Variants in IL20RB observed in about 807,000 individuals in gnomAD.
The protein encoded by IL20RB is interleukin-20 receptor subunit beta.
IL20RB carries 21 observed loss-of-function variants against 33.3 expected under a neutral mutation model. The observed-to-expected ratio is 0.63, with a 90% CI of 0.45 to 0.91. The LOEUF (loss-of-function observed/expected upper bound fraction) is 0.91, where lower values mean the gene tolerates loss of function less well. IL20RB is among the 40% of genes least tolerant of loss of function. IL20RB has a pLI of 0.00. For synonymous variants in IL20RB, 147 were observed against 146.8 expected (o/e 1.00, Z -0.01); for missense variants, 345 against 384.8 (o/e 0.90, Z 0.86).
chr3:136,958,206 G>A lies in IL20RB; in HGVS notation c.88+5G>A. 6.4e-7 allele frequency: 1 copy of A among 1,570,990 alleles called. No homozygotes were observed. Among genetic ancestry groups the A allele is most frequent in the Non-Finnish European group, 8.8e-7 (1 of 1,140,936 alleles). The stretch of plus-strand genomic sequence containing the variant: ...TGATTCCATGTTTGCTCACAGGTAA[G>A]TATGAATTAGAATACATCCAATAGT... On this transcript the variant is annotated splice_donor_5th_base_variant and intron_variant, in intron 1 of 6. Coordinates refer to ENST00000329582, the MANE Select transcript of IL20RB (RefSeq NM_144717.4).
chr3:136,961,547 CAA>C (rs897766042), intron 1 of IL20RB, among the ~76,000 whole-genome samples: 5 of 151,506 alleles, frequency 3.3e-5, no homozygotes, highest in Non-Finnish European at 7.4e-5. Context: ...AGGGAAAAAA[CAA>C]GATGAGACAA....
In IL20RB at chr3:136,958,045, A is replaced by T. The variant is rs1360437655; in HGVS notation, c.-69A>T. On this transcript the variant is annotated 5_prime_UTR_variant, in exon 1 of 7. The change abolishes an upstream ATG in the 5' untranslated region. Coordinates refer to ENST00000329582, the MANE Select transcript of IL20RB (RefSeq NM_144717.4). ...TCCAACATATGCATTCTGAAGAAAG[A>T]TGGCTGAGATGGACAGAATGCTTTA... is the stretch of plus-strand genomic sequence containing the variant. The T allele has an allele frequency of 3.2e-6, 3 of 944,334 alleles. No homozygotes were observed. Among genetic ancestry groups the T allele is most frequent in the Non-Finnish European group, 5.1e-6 (3 of 586,098 alleles). 58.5% of individuals were successfully genotyped at this position (944,334 alleles called of 1,614,324 possible). A position where few individuals can be genotyped will look rare whatever the true frequency, so the allele number is the denominator to read the frequency against.
At chr3:136,977,208 CT>C (rs550586510) in intron 1 of IL20RB, among the ~76,000 whole-genome samples, 80 of 152,312 alleles carry the variant, frequency 5.3e-4, no homozygotes, top group African/African-American at 1.9e-3. Context: ...CTTGAAGCCC[CT>C]CCCCCTCCTT....
At chr3:136,977,665 A>G (rs1941653900) in intron 1 of IL20RB, among the ~76,000 whole-genome samples, 1 of 152,144 alleles carries the variant, frequency 6.6e-6, no homozygotes, top group South Asian at 2.1e-4. Context: ...AGCCAAGATT[A>G]CAGGCACGCA....
At chr3:137,005,220 G>T (rs916403213) in intron 6 of IL20RB, among the ~76,000 whole-genome samples, 1 of 152,192 alleles carries the variant, frequency 6.6e-6, no homozygotes, top group African/African-American at 2.4e-5. Context: ...GCGATATGGT[G>T]CTGAGAAGAA....
chr3:136,983,245 G>C (rs984830913), intron 3 of IL20RB, among the ~76,000 whole-genome samples: 1 of 152,102 alleles, frequency 6.6e-6, no homozygotes, highest in Non-Finnish European at 1.5e-5. Context: ...GCACCACCAT[G>C]CCTGGCTAAT....
intron 3 of IL20RB, among the ~76,000 whole-genome samples, chr3:136,983,615 A>C (rs189522066): frequency 6.6e-6 from 1 of 152,298 alleles, no homozygotes. Flanking sequence ...AGGGAGAGAT[A>C]ATGATAGTAT....
At chr3:136,981,118 T>C (rs1283531019) in intron 2 of IL20RB, among the ~76,000 whole-genome samples, 1 of 152,178 alleles carries the variant, frequency 6.6e-6, no homozygotes, top group Non-Finnish European at 1.5e-5. Flanking sequence ...AACACCTACA[T>C]GTGTAGACAT....
Position 136,982,081 on chromosome 3 carries a change from C to T in IL20RB, c.216-79C>T, listed in dbSNP as rs730411. The T allele has an allele frequency of 3.0e-3, 3,170 of 1,071,698 alleles. 59 individuals carry two copies. In the African/African-American group the frequency reaches 0.044, roughly 15 times the overall value. 66.4% of individuals were successfully genotyped at this position (1,071,698 alleles called of 1,614,324 possible). A position where few individuals can be genotyped will look rare whatever the true frequency, so the allele number is the denominator to read the frequency against. ...TACTTACCTGTACAAAGTAGGTGAACGAAGTCAGTTACTTGCAACCATAAC... is the reference window on the plus strand; with the variant it reads ...TACTTACCTGTACAAAGTAGGTGAATGAAGTCAGTTACTTGCAACCATAAC... On this transcript the variant is annotated intron_variant, in intron 2 of 6. Coordinates refer to ENST00000329582, the MANE Select transcript of IL20RB (RefSeq NM_144717.4).
intron 1 of IL20RB, among the ~76,000 whole-genome samples, chr3:136,974,744 A>T (rs1382427066): frequency 6.6e-6 from 1 of 152,182 alleles, no homozygotes; most frequent in Non-Finnish European, 1.5e-5. Flanking sequence ...CCCCTTAGGG[A>T]TACTGATAAT....
chr3:136,992,007 T>C lies in IL20RB; in HGVS notation c.601T>C (p.Tyr201His). 1 of 1,614,220 alleles carries C rather than the reference T, an allele frequency of 6.2e-7. No individual in the cohort carries two copies. The highest frequency in any genetic ancestry group is 8.5e-7 in the Non-Finnish European group (1 of 1,180,046). Residue 201 changes from tyrosine (Y) to histidine (H), a missense_variant, in exon 5 of 7, where the codon TAC becomes CAC. Coordinates refer to ENST00000329582, the MANE Select transcript of IL20RB (RefSeq NM_144717.4). ...AGAAACCATGGAGCCAGGGGCTGCA[T>C]ACTGTGTGAAGGCCCAGACATTCGT... is the stretch of plus-strand genomic sequence containing the variant. ...HLETMEPGAA[Y>H]CVKAQTFVKA...
intron 3 of IL20RB, among the ~76,000 whole-genome samples, chr3:136,985,337 C>CTCTT (rs1941874591): frequency 7.3e-6 from 1 of 137,286 alleles, no homozygotes. Flanking sequence ...CTCTCTCTCT[C>CTCTT]TTTTTTTTTT....
intron 6 of IL20RB, among the ~76,000 whole-genome samples, chr3:137,006,778 G>A (rs1290355972): frequency 1.3e-5 from 2 of 152,154 alleles, no homozygotes; most frequent in African/African-American, 2.4e-5. Context: ...CTGTCAACTC[G>A]TCAAAGTCAT....
rs1474182318 is a variant in IL20RB at position 137,010,118 on chromosome 3, A to G, written c.831A>G (p.Ile277Met). Residue 277 changes from isoleucine to methionine, a missense_variant, in exon 7 of 7, where the codon ATA (isoleucine) becomes ATG (methionine). Ile to Met is a conservative substitution (Grantham distance 10). Coordinates refer to ENST00000329582, the MANE Select transcript of IL20RB (RefSeq NM_144717.4). The part of the protein sequence containing the change: ...PVVVLPDTLK[I>M]TNSPQKLISC... ...TAATGAAAATTATTTTTCAGAAAAT[A>G]ACCAATTCACCCCAGAAGTTAATCA... is the stretch of plus-strand genomic sequence containing the variant. The G allele has an allele frequency of 2.6e-6, 4 of 1,539,876 alleles. No homozygotes were observed. In the East Asian group the frequency reaches 9.0e-5, roughly 35 times the overall value.
At chr3:137,009,087 C>G (rs1482856872) in intron 6 of IL20RB, among the ~76,000 whole-genome samples, 1 of 152,170 alleles carries the variant, frequency 6.6e-6, no homozygotes, top group Non-Finnish European at 1.5e-5. Flanking sequence ...TGGCATTTGC[C>G]CATGGACACC....
At chr3:136,977,500 G>C (rs1490022411) in intron 1 of IL20RB, among the ~76,000 whole-genome samples, 4 of 152,030 alleles carry the variant, frequency 2.6e-5, no homozygotes, top group African/African-American at 9.7e-5. Flanking sequence ...TTTAATTTCT[G>C]TGTATGTGTT....
intron 1 of IL20RB, 141 bp from the exon 2 acceptor site, chr3:136,980,325 G>T (rs762786070): frequency 2.0e-5 from 16 of 810,134 alleles, no homozygotes; most frequent in Admixed American, 3.7e-5. Flanking sequence ...TCATTCTGTT[G>T]TCTAGGCTGG....
intron 2 of IL20RB, among the ~76,000 whole-genome samples, chr3:136,981,818 C>T (rs184755946): frequency 3.3e-5 from 5 of 152,234 alleles, no homozygotes; most frequent in Non-Finnish European, 5.9e-5. Context: ...TCACAATCTG[C>T]TGAGTGGTGA....
chr3:136,970,856 G>C (rs1370372348), intron 1 of IL20RB, among the ~76,000 whole-genome samples: 1 of 151,868 alleles, frequency 6.6e-6, no homozygotes, highest in African/African-American at 2.4e-5. Context: ...GTTTCACCGT[G>C]TTAGCCAGGA....
Sources: gnomAD v4.1 joint callset for allele counts (sites outside exome capture counted in the v4.1 genomes callset) on GRCh38, gnomAD v4.1.1 for gene constraint, MANE v1.5 for transcripts, NCBI Gene and HGNC (gene_info 2026-07-23, HGNC 2026-07-21) for gene names.